The following KIF25 variants were observed in gnomAD, a reference collection of about 807,000 sequenced individuals.
KIF25 encodes kinesin-like protein KIF25.
A neutral mutation model predicts 32.9 loss-of-function variants in KIF25; 19 were observed. The observed-to-expected ratio is 0.58, with a 90% CI of 0.40 to 0.85. The LOEUF is 0.85. Ranked by LOEUF, KIF25 falls within the 40% of genes least tolerant of loss-of-function variation. The pLI is 0.00. For synonymous variants in KIF25, 225 were observed against 213.7 expected (o/e 1.05, Z -0.46); for missense variants, 485 against 507.0 (o/e 0.96, Z 0.42).
chr6:168,006,490 G>A (rs1028848576), intron 4 of KIF25, among the ~76,000 whole-genome samples: 2 of 152,192 alleles, frequency 1.3e-5, no homozygotes, highest in African/African-American at 4.8e-5. Flanking sequence ...AGACTGGCCG[G>A]ATATTCCACA....
intron 7 of KIF25, among the ~76,000 whole-genome samples, chr6:168,031,566 C>G (rs548303880): frequency 1.3e-5 from 2 of 152,230 alleles, no homozygotes; most frequent in Non-Finnish European, 2.9e-5. Flanking sequence ...TGACCACGCA[C>G]GCACGCGGGG....
chr6:168,039,322 A>G (rs1021751364), intron 9 of KIF25, among the ~76,000 whole-genome samples: 15 of 152,248 alleles, frequency 9.9e-5, no homozygotes, highest in Non-Finnish European at 1.9e-4. Context: ...AGTATTTCAC[A>G]GAATATGATA....
rs1029466334 is a variant in KIF25 at position 167,998,184 on chromosome 6, C to T, written c.-1285C>T. 1.3e-5 allele frequency: 2 copies of T among 151,160 alleles called. No homozygotes were observed. The highest frequency in any genetic ancestry group is 2.9e-5 in the Non-Finnish European group (2 of 67,894). 9.4% of individuals were successfully genotyped at this position (151,160 alleles called of 1,614,324 possible). ...AGCTTTTTTTTTTTTTAATCTGGAG[C>T]ATGAAAAAGATAATATGAACCTTCC... On this transcript the variant is annotated 5_prime_UTR_variant, in exon 1 of 13. Transcript: ENST00000643607.
chr6:168,030,244 TG>T (rs1204949118), intron 6 of KIF25, among the ~76,000 whole-genome samples: 2 of 152,218 alleles, frequency 1.3e-5, no homozygotes. Flanking sequence ...CAAGTTCTGC[TG>T]AACTGACCTG....
intron 7 of KIF25, among the ~76,000 whole-genome samples, chr6:168,031,918 A>T (rs1384695434): frequency 1.3e-5 from 2 of 152,230 alleles, no homozygotes; most frequent in Non-Finnish European, 2.9e-5. Flanking sequence ...TCCTGAGAGC[A>T]CATGCCCAGG....
intron 4 of KIF25, among the ~76,000 whole-genome samples, chr6:168,016,174 G>A (rs1015945234): frequency 7.2e-5 from 11 of 152,172 alleles, no homozygotes; most frequent in Non-Finnish European, 1.6e-4. Context: ...CGAGGCCAGG[G>A]GCTTGGTCCT....
At chr6:168,032,402 G>A (rs757926940) in intron 7 of KIF25, among the ~76,000 whole-genome samples, 3 of 152,240 alleles carry the variant, frequency 2.0e-5, no homozygotes, top group Admixed American at 6.5e-5. Flanking sequence ...ACAAAGAAAT[G>A]CATGTAAATG....
intron 4 of KIF25, among the ~76,000 whole-genome samples, chr6:168,017,594 TG>T (rs1798732947): frequency 2.0e-5 from 3 of 152,188 alleles, no homozygotes; most frequent in Admixed American, 2.0e-4. Context: ...AAACCTCTCC[TG>T]CGAACTGTCA....
chr6:168,000,711 C>T (rs1237680321), intron 2 of KIF25, among the ~76,000 whole-genome samples: 1 of 152,160 alleles, frequency 6.6e-6, no homozygotes, highest in Non-Finnish European at 1.5e-5. Context: ...GCTGACCCTC[C>T]CGCCACTCCA....
chr6:168,041,413 A>C (rs1330556745), intron 10 of KIF25, among the ~76,000 whole-genome samples: 2 of 148,744 alleles, frequency 1.3e-5, no homozygotes, highest in African/African-American at 5.2e-5. Flanking sequence ...CTCCCGATAC[A>C]GGGGCGGTGT....
At chr6:168,025,367 T>C (rs1490946804) in intron 5 of KIF25, among the ~76,000 whole-genome samples, 1 of 152,176 alleles carries the variant, frequency 6.6e-6, no homozygotes, top group Non-Finnish European at 1.5e-5. Context: ...CACATTATAG[T>C]ATCTGCTTCT....
At chr6:168,027,726 C>G (rs1798883165) in intron 5 of KIF25, among the ~76,000 whole-genome samples, 1 of 152,122 alleles carries the variant, frequency 6.6e-6, no homozygotes, top group African/African-American at 2.4e-5. Context: ...CCACGGAGCA[C>G]GAGGTCAGAT....
chr6:168,001,722 C>A (rs1016080842), intron 2 of KIF25, among the ~76,000 whole-genome samples: 1 of 72,960 alleles, frequency 1.4e-5, no homozygotes, highest in Middle Eastern at 0.011. Context: ...GGCGTGGCCG[C>A]GGGCAGGTGA....
intron 4 of KIF25, among the ~76,000 whole-genome samples, chr6:168,004,616 A>G (rs903398905): frequency 6.6e-6 from 1 of 152,182 alleles, no homozygotes; most frequent in African/African-American, 2.4e-5. Context: ...GAAACCCCCA[A>G]TGAAATGGTG....
At chr6:168,024,428 T>C (rs1423506627) in intron 5 of KIF25, among the ~76,000 whole-genome samples, 4 of 129,930 alleles carry the variant, frequency 3.1e-5, no homozygotes, top group Admixed American at 7.3e-5. Context: ...TCTCTCTTTT[T>C]TTTTTTTTTT....
intron 4 of KIF25, among the ~76,000 whole-genome samples, chr6:168,009,757 T>C (rs1464246890): frequency 6.6e-6 from 1 of 152,186 alleles, no homozygotes; most frequent in Non-Finnish European, 1.5e-5. Flanking sequence ...TTACTTGTTA[T>C]TGGTCTGTTC....
At chr6:168,033,771 G>A (rs1319180223) in intron 7 of KIF25, 111 bp from the exon 8 acceptor site, 1 of 1,123,890 alleles carries the variant, frequency 8.9e-7, no homozygotes. Flanking sequence ...GGAGTAACAG[G>A]AGAATAGGAA....
intron 12 of KIF25, 109 bp downstream of exon 12, chr6:168,042,825 C>T: frequency 2.4e-6 from 3 of 1,261,580 alleles, no homozygotes; most frequent in Non-Finnish European, 3.3e-6. Flanking sequence ...ACCCCCTGCA[C>T]CTCCTGTGTC....
At chr6:168,040,573 A>AAGAAG (rs1554251936) in intron 10 of KIF25, among the ~76,000 whole-genome samples, 2 of 151,456 alleles carry the variant, frequency 1.3e-5, no homozygotes, top group African/African-American at 4.9e-5. Context: ...TTAAAAAAAA[A>AAGAAG]AAGAAGAAGA....
Sources: allele counts gnomAD v4.1 joint callset (sites outside exome capture counted in the v4.1 genomes callset), GRCh38; gene constraint gnomAD v4.1.1; transcripts MANE v1.5; gene names NCBI Gene and HGNC (gene_info 2026-07-23, HGNC 2026-07-21).